CA10: variants seen among roughly 807,000 people sequenced by gnomAD.
CA10 encodes the protein carbonic anhydrase 10 (inactive).
CA10 carries 14 observed loss-of-function variants against 44.2 expected under a neutral mutation model. The ratio of observed to expected loss-of-function variants is 0.32; its 90% confidence interval spans 0.21 to 0.50. The LOEUF (loss-of-function observed/expected upper bound fraction) is 0.50, where lower values mean the gene tolerates loss of function less well. Ranked by LOEUF, CA10 falls within the 20% of genes least tolerant of loss-of-function variation. CA10 has a pLI of 0.99. For missense variants in CA10, 350 were observed against 409.7 expected (o/e 0.85, Z 1.26); for synonymous variants, 159 against 141.6 (o/e 1.12, Z -0.87).
intron 4 of CA10, among the ~76,000 whole-genome samples, chr17:51,668,762 G>A (rs1914300557): frequency 6.6e-6 from 1 of 152,170 alleles, no homozygotes; most frequent in Non-Finnish European, 1.5e-5. Flanking sequence ...TGCTTGTGGG[G>A]AGGGGTGGAG....
chr17:52,104,012 C>A (rs1260206423), intron 1 of CA10, among the ~76,000 whole-genome samples: 1 of 152,214 alleles, frequency 6.6e-6, no homozygotes, highest in Non-Finnish European at 1.5e-5. Context: ...CCATACTTTA[C>A]TGAGATTCCA....
chr17:51,972,525 C>A lies in CA10; in HGVS notation c.137-41393G>T, dbSNP rs138506190. 2.2e-3 allele frequency among the ~76,000 whole-genome samples: 327 copies of A among 151,922 alleles called. 2 individuals are homozygous for A. The highest frequency in any genetic ancestry group is 7.4e-3 in the African/African-American group (307 of 41,428). On this transcript the variant is annotated intron_variant, in intron 2 of 8. Coordinates refer to ENST00000451037, the MANE Select transcript of CA10 (RefSeq NM_020178.5). ...GGGTAAAACCATTGATATAGAGATT[C>A]GTAAGACTCCTGGTCTTAGAGGAGG...
At chr17:52,067,887 T>TG (rs1294292730) in intron 2 of CA10, among the ~76,000 whole-genome samples, 1 of 152,232 alleles carries the variant, frequency 6.6e-6, no homozygotes, top group African/African-American at 2.4e-5. Flanking sequence ...GTACCTGCAT[T>TG]GTATCCAGGA....
chr17:52,149,890 G>A (rs2143408751), intron 1 of CA10, among the ~76,000 whole-genome samples: 1 of 152,320 alleles, frequency 6.6e-6, no homozygotes, highest in East Asian at 1.9e-4. Context: ...TCTTCCTAAT[G>A]AAGGATGCAA....
chr17:51,849,233 GTATATATATATATATATA>G (rs1217693250), intron 3 of CA10, among the ~76,000 whole-genome samples: 1 of 39,898 alleles, frequency 2.5e-5, no homozygotes, highest in South Asian at 9.4e-4. Context: ...ATATGTGTGT[GTATATATATATATATATA>G]TATATATATA....
intron 3 of CA10, among the ~76,000 whole-genome samples, chr17:51,921,818 C>T (rs1982245170): frequency 6.6e-6 from 1 of 152,140 alleles, no homozygotes; most frequent in Non-Finnish European, 1.5e-5. Context: ...GAATATGTTG[C>T]TCGGCCTGAA....
intron 1 of CA10, among the ~76,000 whole-genome samples, chr17:52,155,720 A>G (rs988780552): frequency 2.0e-5 from 3 of 152,236 alleles, no homozygotes; most frequent in African/African-American, 7.2e-5. Context: ...AGGCATTTGG[A>G]ACGCTAACCT....
chr17:51,734,118 C>A (rs1916814493), intron 4 of CA10, among the ~76,000 whole-genome samples: 1 of 149,684 alleles, frequency 6.7e-6, no homozygotes, highest in South Asian at 2.1e-4. Flanking sequence ...CTTAATTTCC[C>A]AAGATTTTAC....
At chr17:51,703,579 G>A (rs1027949613) in intron 4 of CA10, among the ~76,000 whole-genome samples, 7 of 152,040 alleles carry the variant, frequency 4.6e-5, no homozygotes, top group African/African-American at 1.7e-4. Flanking sequence ...AATAGTCTCT[G>A]AGCCATTTTC....
In CA10 at chr17:52,037,134, G is replaced by A. The variant is rs543719769; in HGVS notation, c.136+35185C>T. Among the ~76,000 whole-genome samples, 198 of 152,234 alleles carry A rather than the reference G, an allele frequency of 1.3e-3. 5 individuals carry two copies. The South Asian group carries it at 0.023, about 18-fold the overall frequency. On this transcript the variant is annotated intron_variant, in intron 2 of 8. Transcript: ENST00000451037. ...CAATTTTGGAAATCAGTGGGATATCGAAATGGAAATGTCTGGAACTCAAAA... is the reference window on the plus strand; with the variant it reads ...CAATTTTGGAAATCAGTGGGATATCAAAATGGAAATGTCTGGAACTCAAAA...
intron 3 of CA10, among the ~76,000 whole-genome samples, chr17:51,926,397 A>C (rs1193011380): frequency 6.6e-6 from 1 of 152,234 alleles, no homozygotes; most frequent in African/African-American, 2.4e-5. Flanking sequence ...TGTGGTTAGT[A>C]AACCAGTATA....
chr17:52,114,886 A>T (rs944882853), intron 1 of CA10, among the ~76,000 whole-genome samples: 1 of 152,300 alleles, frequency 6.6e-6, no homozygotes, highest in Admixed American at 6.5e-5. Context: ...GATTCTAAAA[A>T]CTAAGTCATT....
chr17:52,034,931 T>C (rs1402622883), intron 2 of CA10, among the ~76,000 whole-genome samples: 2 of 152,162 alleles, frequency 1.3e-5, no homozygotes, highest in Admixed American at 6.5e-5. Context: ...TAGAATTAAC[T>C]TTGATTACAA....
Position 51,801,234 on chromosome 17 carries a change from C to A in CA10, c.280-53416G>T, listed in dbSNP as rs563509895. ...GAGTGTAAAACCACACACATGTTCA[C>A]TTTCGTTTGGGTGAGGAGTAGTCAG... On this transcript the variant is annotated intron_variant, in intron 3 of 8. Transcript: ENST00000451037. 1.3e-4 allele frequency among the ~76,000 whole-genome samples: 20 copies of A among 152,286 alleles called. No individual in the cohort carries two copies. In the South Asian group the frequency reaches 4.2e-3, roughly 32 times the overall value.
chr17:51,928,381 T>A (rs1026059424), intron 3 of CA10, among the ~76,000 whole-genome samples: 2 of 152,146 alleles, frequency 1.3e-5, no homozygotes, highest in African/African-American at 4.8e-5. Flanking sequence ...GAATAACTAT[T>A]ATTCCTTGCT....
At chr17:51,677,567 G>A (rs773118587) in intron 4 of CA10, among the ~76,000 whole-genome samples, 9 of 152,062 alleles carry the variant, frequency 5.9e-5, no homozygotes, top group Admixed American at 2.6e-4. Context: ...ATAGCAATGC[G>A]AGAATGAACT....
intron 3 of CA10, among the ~76,000 whole-genome samples, chr17:51,837,439 A>G (rs983320072): frequency 1.3e-5 from 2 of 152,196 alleles, no homozygotes; most frequent in Admixed American, 6.5e-5. Context: ...TGTGATTCTC[A>G]TGACCACATT....
intron 3 of CA10, among the ~76,000 whole-genome samples, chr17:51,812,878 G>C (rs144736176): frequency 6.6e-6 from 1 of 152,200 alleles, no homozygotes; most frequent in African/African-American, 2.4e-5. Flanking sequence ...GAGCCATCAG[G>C]ATGAGGGGAC....
At chr17:51,698,296 G>A (rs542186918) in intron 4 of CA10, among the ~76,000 whole-genome samples, 1 of 152,158 alleles carries the variant, frequency 6.6e-6, no homozygotes, top group African/African-American at 2.4e-5. Context: ...AGCAGCGTGT[G>A]CTCCAAGCCT....
Sources: gnomAD v4.1 joint callset for allele counts (sites outside exome capture counted in the v4.1 genomes callset) on GRCh38, gnomAD v4.1.1 for gene constraint, MANE v1.5 for transcripts, NCBI Gene and HGNC (gene_info 2026-07-23, HGNC 2026-07-21) for gene names.